NCAPG2: variants seen among roughly 807,000 people sequenced by gnomAD.
NCAPG2 encodes the protein non-SMC condensin II complex subunit G2, also known as condensin-2 complex subunit G2.
A neutral mutation model predicts 141.1 loss-of-function variants in NCAPG2; 53 were observed. The observed-to-expected ratio is 0.38, with a 90% CI of 0.30 to 0.47. NCAPG2 has a LOEUF of 0.47. Ranked by LOEUF, NCAPG2 falls within the 20% of genes least tolerant of loss-of-function variation. The pLI, the probability that NCAPG2 is intolerant of heterozygous loss-of-function variation, is 0.99. For missense variants in NCAPG2, 1,087 were observed against 1,389.0 expected (o/e 0.78, Z 3.46); for synonymous variants, 499 against 490.7 (o/e 1.02, Z -0.22).
In NCAPG2 at chr7:158,664,453, T is replaced by C. The variant is rs889180985; in HGVS notation, c.1702+75A>G. 9.0e-6 allele frequency: 14 copies of C among 1,549,804 alleles called. No individual in the cohort carries two copies. In the African/African-American group the frequency reaches 1.8e-4, roughly 20 times the overall value. On this transcript the variant is annotated intron_variant, in intron 14 of 27. Coordinates refer to ENST00000356309, the MANE Select transcript of NCAPG2 (RefSeq NM_017760.7). ...GTATGAAGCTTATTAAATTGACAAA[T>C]ACTGAACTCTGTAATTTGTATTATG...
chr7:158,641,198 GAC>G (rs1830619365), intron 27 of NCAPG2: 2 of 289,330 alleles, frequency 6.9e-6, no homozygotes, highest in Non-Finnish European at 1.3e-5. Context: ...AACCACAAAA[GAC>G]AGAAAAGGAG....
chr7:158,655,304 G>C, intron 20 of NCAPG2, 35 bp downstream of exon 20: 3 of 1,614,114 alleles, frequency 1.9e-6, no homozygotes, highest in Non-Finnish European at 2.5e-6. Context: ...AGAGCACTGT[G>C]TATCATCCTA....
Position 158,689,966 on chromosome 7 carries a change from CA to C in NCAPG2, c.538-14del. On this transcript the variant is annotated splice_polypyrimidine_tract_variant and intron_variant, in intron 5 of 27. Coordinates refer to ENST00000356309, the MANE Select transcript of NCAPG2 (RefSeq NM_017760.7). ...ATACGTCTGCACCCTAGGAATGACA[CA>C]AAAAATGTGATACCTTTTTCAATGA... 2 of 1,479,900 alleles carry C rather than the reference CA, an allele frequency of 1.4e-6. No homozygotes were observed. Among genetic ancestry groups the C allele is most frequent in the Non-Finnish European group, 9.0e-7 (1 of 1,117,224 alleles). 91.7% of individuals were successfully genotyped at this position (1,479,900 alleles called of 1,614,324 possible). A position where few individuals can be genotyped will look rare whatever the true frequency, so the allele number is the denominator to read the frequency against.
chr7:158,679,411 C>T (rs1432622031), intron 11 of NCAPG2, among the ~76,000 whole-genome samples: 5 of 152,222 alleles, frequency 3.3e-5, no homozygotes, highest in Non-Finnish European at 7.3e-5. Flanking sequence ...ATCTTAACAT[C>T]CTAGCACCTC....
At chr7:158,654,276 G>A (rs748555622) in intron 22 of NCAPG2, among the ~76,000 whole-genome samples, 1 of 152,158 alleles carries the variant, frequency 6.6e-6, no homozygotes, top group Non-Finnish European at 1.5e-5. Flanking sequence ...GAGCAAAAAG[G>A]TGATGGTTTC....
intron 4 of NCAPG2, among the ~76,000 whole-genome samples, chr7:158,691,224 AATTAG>A (rs1201740940): frequency 6.6e-6 from 1 of 152,256 alleles, no homozygotes; most frequent in African/African-American, 2.4e-5. Context: ...AAAGCTCAAT[AATTAG>A]ATTAATGATA....
intron 7 of NCAPG2, among the ~76,000 whole-genome samples, chr7:158,687,006 C>T (rs1030534714): frequency 2.0e-5 from 3 of 152,122 alleles, no homozygotes; most frequent in Admixed American, 6.5e-5. Context: ...CAGGCTCTTC[C>T]GAGAAGCCAC....
intron 16 of NCAPG2, among the ~76,000 whole-genome samples, chr7:158,659,414 A>C (rs901564949): frequency 6.7e-6 from 1 of 150,336 alleles, no homozygotes; most frequent in Non-Finnish European, 1.5e-5. Flanking sequence ...TCTGTAGCCC[A>C]ACAGCTGACA....
At position 158,654,692 on chromosome 7, in the gene NCAPG2, G is replaced by A; in HGVS notation, c.2649C>T (p.Thr883=). 2 of 1,612,628 alleles carry A rather than the reference G, an allele frequency of 1.2e-6. No homozygotes were observed. Among genetic ancestry groups the A allele is most frequent in the African/African-American group, 1.3e-5 (1 of 74,938 alleles). Residue 883 remains threonine (T), a splice_region_variant and synonymous_variant, in exon 22 of 28, where the codon ACC becomes ACT. Transcript: ENST00000356309. ...HRVIYQQIIQ[T]YLTVCKDVVM... ...CAACATCTTTACACACAGTCAGGTA[G>A]GTCTGTAAGAGACAGACACAGCTTA...
chr7:158,680,927 G>A (rs561986241), intron 9 of NCAPG2, 111 bp from the exon 10 acceptor site: 131 of 701,698 alleles, frequency 1.9e-4, no homozygotes, highest in African/African-American at 1.7e-3. Context: ...CCACAAGTAG[G>A]CTCTGGCTGG....
At chr7:158,677,430 C>A (rs1834128533) in intron 11 of NCAPG2, among the ~76,000 whole-genome samples, 2 of 149,356 alleles carry the variant, frequency 1.3e-5, no homozygotes, top group East Asian at 4.0e-4. Flanking sequence ...AACTACCTTA[C>A]CAACCCAATC....
intron 11 of NCAPG2, among the ~76,000 whole-genome samples, chr7:158,677,938 G>A (rs1375648191): frequency 2.0e-5 from 3 of 151,814 alleles, no homozygotes; most frequent in Non-Finnish European, 2.9e-5. Flanking sequence ...AGCCTCCCTA[G>A]TAGCTGAGAC....
Position 158,631,611 on chromosome 7 carries a change from A to G in NCAPG2, c.*55T>C. On this transcript the variant is annotated 3_prime_UTR_variant, in exon 28 of 28. Coordinates refer to ENST00000356309, the MANE Select transcript of NCAPG2 (RefSeq NM_017760.7). ...AAAAACAATAGGAAAATACACAGGC[A>G]TTTCAATTTGAATCACTTTTCCCTA... The G allele has an allele frequency of 1.4e-6, 2 of 1,416,300 alleles. No individual in the cohort carries two copies. The highest frequency in any genetic ancestry group is 2.0e-6 in the Non-Finnish European group (2 of 1,002,848). The allele number at this position is 1,416,300 out of a possible 1,614,324, so 87.7% of individuals were successfully genotyped here. A position where few individuals can be genotyped will look rare whatever the true frequency, so the allele number is the denominator to read the frequency against.
At chr7:158,649,181 A>G (rs914917825) in intron 24 of NCAPG2, among the ~76,000 whole-genome samples, 4 of 152,262 alleles carry the variant, frequency 2.6e-5, no homozygotes, top group Non-Finnish European at 5.9e-5. Context: ...TCAAAAAGAA[A>G]AAGCTCCCAA....
intron 17 of NCAPG2, among the ~76,000 whole-genome samples, chr7:158,657,461 C>G (rs1480428390): frequency 6.6e-6 from 1 of 152,236 alleles, no homozygotes; most frequent in Non-Finnish European, 1.5e-5. Context: ...AGTTTCAGTT[C>G]CATGCAGTCT....
intron 7 of NCAPG2, among the ~76,000 whole-genome samples, chr7:158,687,119 A>C (rs1834807164): frequency 2.0e-5 from 3 of 152,214 alleles, no homozygotes; most frequent in Admixed American, 6.5e-5. Context: ...AAACTATTTT[A>C]ACTATTTAAA....
At chr7:158,687,583 G>A (rs1333294635) in intron 6 of NCAPG2, 141 bp from the exon 7 acceptor site, 2 of 619,170 alleles carry the variant, frequency 3.2e-6, no homozygotes, top group East Asian at 3.0e-5. Context: ...GAGAGCACAT[G>A]CACGAGTTGA....
At chr7:158,697,525 C>T (rs1407340785) in intron 2 of NCAPG2, among the ~76,000 whole-genome samples, 3 of 151,480 alleles carry the variant, frequency 2.0e-5, no homozygotes, top group South Asian at 2.1e-4. Context: ...CACTTGAACC[C>T]GGGAGGCGGA....
At chr7:158,681,291 TGTATGAGATTAATTTAGGTATCAA>T (rs1834441380) in intron 9 of NCAPG2, among the ~76,000 whole-genome samples, 1 of 152,216 alleles carries the variant, frequency 6.6e-6, no homozygotes, top group African/African-American at 2.4e-5. Flanking sequence ...GACCCCTCAC[TGTATGAGATTAATTTAGGTATCAA>T]GTTCCTCCCA....
Sources: allele counts gnomAD v4.1 joint callset (sites outside exome capture counted in the v4.1 genomes callset), GRCh38; gene constraint gnomAD v4.1.1; transcripts MANE v1.5; gene names NCBI Gene and HGNC (gene_info 2026-07-23, HGNC 2026-07-21).